The following KHDRBS1 variants were observed in gnomAD, a reference collection of about 807,000 sequenced individuals.
KHDRBS1 encodes KH RNA binding domain containing, signal transduction associated 1.
In KHDRBS1, 7 loss-of-function variants were observed where a neutral mutation model predicts 48.4. The ratio of observed to expected loss-of-function variants is 0.14; its 90% CI spans 0.08 to 0.27. The LOEUF is 0.27. Ranked by LOEUF, KHDRBS1 falls within the 10% of genes least tolerant of loss-of-function variation. KHDRBS1 has a pLI of 1.00. For synonymous variants in KHDRBS1, 241 were observed against 235.8 expected (o/e 1.02, Z -0.20); for missense variants, 458 against 601.2 (o/e 0.76, Z 2.49).
At chr1:32,037,366 C>T (rs926598265) in intron 5 of KHDRBS1, among the ~76,000 whole-genome samples, 4 of 151,896 alleles carry the variant, frequency 2.6e-5, no homozygotes, top group African/African-American at 9.7e-5. Context: ...ATTGCTTGAA[C>T]CCAGGAGACG....
rs1174383456 is a variant in KHDRBS1 at position 32,030,345 on chromosome 1, A to T, written c.430A>T (p.Asn144Tyr). The change falls in exon 2 of 9, where the codon AAT (asparagine) becomes TAT (tyrosine). Residue 144 changes from asparagine (N) to tyrosine (Y), a missense_variant. Physicochemically the swap from Asn to Tyr is moderately radical, Grantham distance 143. This residue lies in a region of KHDRBS1 where 213 missense variants were observed against 215.6 expected (regional missense o/e 0.99). Transcript: ENST00000327300. ...AGACTCAAAAAAGGATGATGAGGAGAATTACTTGGATTTATTTTCTCATAA... is the reference window on the plus strand; with the variant it reads ...AGACTCAAAAAAGGATGATGAGGAGTATTACTTGGATTTATTTTCTCATAA... ...KGDSKKDDEE[N>Y]YLDLFSHKNM... 7 of 1,611,802 alleles carry T rather than the reference A, an allele frequency of 4.3e-6. No individual in the cohort carries two copies. Among genetic ancestry groups the T allele is most frequent in the Non-Finnish European group, 5.9e-6 (7 of 1,178,476 alleles).
At chr1:32,030,999 A>G (rs923516142) in intron 2 of KHDRBS1, among the ~76,000 whole-genome samples, 4 of 152,206 alleles carry the variant, frequency 2.6e-5, no homozygotes, top group African/African-American at 9.6e-5. Context: ...CTGTAATGCC[A>G]GCACTTTGGG....
intron 10 of KHDRBS1, among the ~76,000 whole-genome samples, chr1:32,057,485 CTTTTTTT>C (rs931055192): frequency 7.5e-6 from 1 of 132,538 alleles, no homozygotes; most frequent in Non-Finnish European, 1.6e-5. Flanking sequence ...TTCTTCTTTT[CTTTTTTT>C]TTTTTTTTTT....
At chr1:32,041,350 T>G (rs925023441) in intron 8 of KHDRBS1, among the ~76,000 whole-genome samples, 2 of 152,174 alleles carry the variant, frequency 1.3e-5, no homozygotes, top group Non-Finnish European at 2.9e-5. Flanking sequence ...GGCAGATACT[T>G]GTGAATACAG....
In KHDRBS1 at chr1:32,038,698, G is replaced by GT. The variant is rs1047904330; in HGVS notation, c.1175+80dup. On this transcript the variant is annotated intron_variant, in intron 7 of 8. Transcript: ENST00000327300. The stretch of plus-strand genomic sequence containing the variant: ...TTGGAGGAACAGAGAGATTTAGACA[G>GT]TACAACCCTAAGGAGCAGAATGGTT... 9.5e-6 allele frequency: 13 copies of GT among 1,373,164 alleles called. No individual in the cohort carries two copies. The African/African-American group carries it at 1.9e-4, about 20-fold the overall frequency. 85.1% of individuals were successfully genotyped at this position (1,373,164 alleles called of 1,614,324 possible). A position where few individuals can be genotyped will look rare whatever the true frequency, so the allele number is the denominator to read the frequency against.
chr1:32,046,460 C>G (rs536802076), downstream of KHDRBS1, among the ~76,000 whole-genome samples: 33 of 152,280 alleles, frequency 2.2e-4, no homozygotes, highest in Middle Eastern at 3.4e-3. Flanking sequence ...GGTGATCCAC[C>G]CACCTTGGCC....
intron 1 of KHDRBS1, among the ~76,000 whole-genome samples, chr1:32,020,651 C>G (rs1344524940): frequency 2.7e-5 from 4 of 149,148 alleles, no homozygotes; most frequent in Non-Finnish European, 5.9e-5. Context: ...TTAATAAATG[C>G]AGCAACTTGC....
intron 8 of KHDRBS1, among the ~76,000 whole-genome samples, chr1:32,042,271 CGTT>C (rs1553224112): frequency 1.3e-5 from 2 of 152,208 alleles, no homozygotes; most frequent in Non-Finnish European, 2.9e-5. Flanking sequence ...TGAAGAACCT[CGTT>C]GTGGGAGATT....
At chr1:32,058,749 A>AT (rs1553225590) in intron 10 of KHDRBS1, among the ~76,000 whole-genome samples, 1 of 152,104 alleles carries the variant, frequency 6.6e-6, no homozygotes, top group African/African-American at 2.4e-5. Flanking sequence ...GTTGTAGTGA[A>AT]TTGAGATCGT....
At chr1:32,017,788 G>T (rs1354117142) in intron 1 of KHDRBS1, among the ~76,000 whole-genome samples, 1 of 151,572 alleles carries the variant, frequency 6.6e-6, no homozygotes, top group Non-Finnish European at 1.5e-5. Flanking sequence ...CGTATTTTTA[G>T]TAGAGACGGG....
intron 1 of KHDRBS1, among the ~76,000 whole-genome samples, chr1:32,026,849 C>G (rs1259669065): frequency 6.6e-6 from 1 of 152,324 alleles, no homozygotes; most frequent in Admixed American, 6.5e-5. Flanking sequence ...AGCTGGAGTG[C>G]AGTGGCGCAA....
intron 1 of KHDRBS1, among the ~76,000 whole-genome samples, chr1:32,022,997 C>G: frequency 6.6e-6 from 1 of 152,126 alleles, no homozygotes; most frequent in South Asian, 2.1e-4. Flanking sequence ...CTAATATTAA[C>G]TTTTTTTGTG....
chr1:32,055,474 T>C (rs547530283), intron 10 of KHDRBS1, among the ~76,000 whole-genome samples: 2 of 152,114 alleles, frequency 1.3e-5, no homozygotes, highest in East Asian at 3.9e-4. Flanking sequence ...TGGATCCTTA[T>C]GAGCCCTCCC....
chr1:32,049,671 T>C (rs960459668), intron 10 of KHDRBS1, among the ~76,000 whole-genome samples: 1 of 150,292 alleles, frequency 6.7e-6, no homozygotes, highest in Non-Finnish European at 1.5e-5. Flanking sequence ...TTTTTATTTT[T>C]TTTTTTTTGA....
chr1:32,038,565 C>T lies in KHDRBS1; in HGVS notation c.1121C>T (p.Thr374Ile). 1 of 1,613,730 alleles carries T rather than the reference C, an allele frequency of 6.2e-7. No individual in the cohort carries two copies. The highest frequency in any genetic ancestry group is 8.5e-7 in the Non-Finnish European group (1 of 1,179,886). Reference protein sequence around the residue: ...ETYEEYGYDDTYAEQSYEGYE... With the variant: ...ETYEEYGYDDIYAEQSYEGYE... Reference sequence around the variant, plus strand: ...TTGTTGTTCTAGGGATATGATGATACATACGCAGAACAAAGTTACGAAGGC... The same window carrying T: ...TTGTTGTTCTAGGGATATGATGATATATACGCAGAACAAAGTTACGAAGGC... The change falls in exon 7 of 9, where the codon ACA becomes ATA. Residue 374 changes from threonine to isoleucine, a missense_variant. Transcript: ENST00000327300.
At chr1:32,045,362 C>G (rs566722638), downstream of KHDRBS1, 240 of 152,726 alleles carry the variant, frequency 1.6e-3, 1 homozygote, top group African/African-American at 5.4e-3. Flanking sequence ...ATTTCCTGGA[C>G]TAGAATGGGT....
intron 3 of KHDRBS1, among the ~76,000 whole-genome samples, chr1:32,032,380 C>G (rs1639098020): frequency 6.6e-6 from 1 of 152,136 alleles, no homozygotes; most frequent in South Asian, 2.1e-4. Context: ...ATAGTTACGG[C>G]TGAAGTGTGT....
chr1:32,017,731 C>T (rs554830962), intron 1 of KHDRBS1, among the ~76,000 whole-genome samples: 73 of 151,264 alleles, frequency 4.8e-4, no homozygotes, highest in Admixed American at 9.2e-4. Context: ...CCTCAGCTTC[C>T]CTGGTAGCTG....
chr1:32,037,865 T>C lies in KHDRBS1; in HGVS notation c.936T>C (p.Ala312=), dbSNP rs767688864. The C allele has an allele frequency of 4.4e-5, 71 of 1,614,108 alleles. No homozygotes were observed. Among genetic ancestry groups the C allele is most frequent in the Non-Finnish European group, 5.8e-5 (68 of 1,180,044 alleles). Residue 312 remains alanine (A), a synonymous_variant, in exon 6 of 9, where the codon GCT becomes GCC. Coordinates refer to ENST00000327300, the MANE Select transcript of KHDRBS1 (RefSeq NM_006559.3). ...RGRGVGPPRG[A]LVRGTPVRGA... is the part of the protein sequence containing the mutation. Reference sequence around the variant, plus strand: ...GTGGTGTTGGACCACCTCGGGGGGCTTTGGTACGTGGTACACCAGTAAGGG... The same window carrying C: ...GTGGTGTTGGACCACCTCGGGGGGCCTTGGTACGTGGTACACCAGTAAGGG...
Sources: gnomAD v4.1 joint callset for allele counts (sites outside exome capture counted in the v4.1 genomes callset) on GRCh38, gnomAD v4.1.1 for gene constraint, gnomAD v4.1.1 regional missense constraint, MANE v1.5 for transcripts, NCBI Gene and HGNC (gene_info 2026-07-23, HGNC 2026-07-21) for gene names.